Variants in CLASP2 observed in about 807,000 individuals in gnomAD.
CLASP2 encodes cytoplasmic linker associated protein 2.
CLASP2 carries 47 observed loss-of-function variants against 194.4 expected under a neutral mutation model. The observed-to-expected ratio is 0.24, with a 90% CI of 0.19 to 0.31. The LOEUF is 0.31. Ranked by LOEUF, CLASP2 falls within the 10% of genes least tolerant of loss-of-function variation. The pLI is 1.00. For synonymous variants in CLASP2, 619 were observed against 633.5 expected, an observed-to-expected ratio of 0.98 and a Z score of 0.34; for missense variants, 1,445 against 1,823.6, an observed-to-expected ratio of 0.79 and a Z score of 3.78.
intron 37 of CLASP2, 69 bp downstream of exon 37, chr3:33,510,489 G>A: frequency 7.0e-7 from 1 of 1,437,218 alleles, no homozygotes; most frequent in Non-Finnish European, 9.7e-7. Context: ...AATGATGCCT[G>A]GAAAGTACCT....
At chr3:33,668,759 C>A (rs1331914632) in intron 6 of CLASP2, among the ~76,000 whole-genome samples, 1 of 152,246 alleles carries the variant, frequency 6.6e-6, no homozygotes, top group African/African-American at 2.4e-5. Context: ...AGAAGCATCA[C>A]CAAGGAGAAT....
At chr3:33,524,971 C>T (rs530474374) in intron 34 of CLASP2, among the ~76,000 whole-genome samples, 8 of 152,244 alleles carry the variant, frequency 5.3e-5, no homozygotes, top group African/African-American at 1.9e-4. Context: ...CAACTACATC[C>T]AACAGACATA....
chr3:33,551,205 TG>T, intron 30 of CLASP2, 46 bp downstream of exon 30: 1 of 1,541,360 alleles, frequency 6.5e-7, no homozygotes, highest in South Asian at 1.2e-5. Context: ...CCATAATAAC[TG>T]ACTTGCTTTC....
chr3:33,586,920 G>T (rs188400262), intron 21 of CLASP2, among the ~76,000 whole-genome samples: 52 of 152,190 alleles, frequency 3.4e-4, no homozygotes, highest in East Asian at 2.5e-3. Flanking sequence ...GATCAAGAGG[G>T]GGGGTGCCTG....
intron 32 of CLASP2, among the ~76,000 whole-genome samples, chr3:33,539,882 T>C (rs866507643): frequency 6.6e-6 from 1 of 151,756 alleles, no homozygotes; most frequent in African/African-American, 2.4e-5. Flanking sequence ...TAACACAAAT[T>C]TGTAAGAAGA....
intron 7 of CLASP2, chr3:33,645,608 C>G (rs1319744376): frequency 6.3e-6 from 2 of 317,298 alleles, no homozygotes; most frequent in Non-Finnish European, 1.1e-5. Context: ...TATTCTATAT[C>G]AAAATTTCAA....
intron 34 of CLASP2, among the ~76,000 whole-genome samples, chr3:33,523,137 A>C (rs2053608621): frequency 6.6e-6 from 1 of 152,202 alleles, no homozygotes; most frequent in Non-Finnish European, 1.5e-5. Context: ...AGCATATTTG[A>C]GCAGGCAAAA....
intron 30 of CLASP2, among the ~76,000 whole-genome samples, chr3:33,545,924 G>C (rs945770637): frequency 6.7e-6 from 1 of 149,446 alleles, no homozygotes; most frequent in African/African-American, 2.5e-5. Context: ...AAAAAAAAAA[G>C]AGTGTTATGA....
chr3:33,521,615 T>C (rs2053117924), intron 34 of CLASP2, among the ~76,000 whole-genome samples: 1 of 152,224 alleles, frequency 6.6e-6, no homozygotes, highest in Non-Finnish European at 1.5e-5. Flanking sequence ...AGAAGAACAC[T>C]GATGGAGACA....
intron 7 of CLASP2, 68 bp downstream of exon 7, chr3:33,663,377 A>T: frequency 8.5e-7 from 1 of 1,173,894 alleles, no homozygotes; most frequent in East Asian, 2.4e-5. Context: ...AGTGATATAT[A>T]ATACATTTTA....
chr3:33,564,512 A>G (rs1229500177), intron 27 of CLASP2, among the ~76,000 whole-genome samples: 2 of 152,218 alleles, frequency 1.3e-5, no homozygotes, highest in Admixed American at 6.5e-5. Context: ...TGTTTTGATT[A>G]TATAAAATGT....
chr3:33,518,123 T>C (rs1158724924), intron 34 of CLASP2, among the ~76,000 whole-genome samples: 3 of 152,228 alleles, frequency 2.0e-5, no homozygotes, highest in Non-Finnish European at 2.9e-5. Context: ...TACAGTTTTA[T>C]AGAAAAAGCA....
chr3:33,526,239 G>A (rs1341373302), intron 34 of CLASP2, among the ~76,000 whole-genome samples: 1 of 152,050 alleles, frequency 6.6e-6, no homozygotes, highest in African/African-American at 2.4e-5. Flanking sequence ...CTCCCAAAGT[G>A]CTCAGATGTC....
intron 26 of CLASP2, among the ~76,000 whole-genome samples, chr3:33,568,035 T>G (rs2063057622): frequency 6.6e-6 from 1 of 152,134 alleles, no homozygotes; most frequent in South Asian, 2.1e-4. Flanking sequence ...TATGGGTATA[T>G]GAAGGAAAAA....
chr3:33,626,432 T>C (rs1004109167), intron 10 of CLASP2, among the ~76,000 whole-genome samples: 3 of 152,148 alleles, frequency 2.0e-5, no homozygotes, highest in Non-Finnish European at 2.9e-5. Flanking sequence ...TTATTTTAAA[T>C]TTTATCAAAT....
chr3:33,570,666 G>T, intron 26 of CLASP2, 61 bp downstream of exon 26: 1 of 1,557,926 alleles, frequency 6.4e-7, no homozygotes, highest in Non-Finnish European at 8.7e-7. Flanking sequence ...CAGTTTTTCT[G>T]CTTTGACAAT....
intron 23 of CLASP2, among the ~76,000 whole-genome samples, chr3:33,581,497 T>G (rs928875092): frequency 6.6e-6 from 1 of 152,222 alleles, no homozygotes; most frequent in Non-Finnish European, 1.5e-5. Flanking sequence ...TCACTTGAGA[T>G]TAAATATTTA....
At chr3:33,598,426 T>C (rs1470953183) in intron 18 of CLASP2, among the ~76,000 whole-genome samples, 1 of 152,132 alleles carries the variant, frequency 6.6e-6, no homozygotes, top group Non-Finnish European at 1.5e-5. Flanking sequence ...CCTCCCCTTC[T>C]ACATCTGTGA....
At position 33,709,558 on chromosome 3, in the gene CLASP2, C is replaced by T. The variant is rs748815993; in HGVS notation, c.195+8250G>A. On this transcript the variant is annotated intron_variant, in intron 1 of 38. Coordinates refer to ENST00000682230, the MANE Select transcript of CLASP2 (RefSeq NM_001365631.1). ...GAACAGGTCAGATGAAGAGATGTGA[C>T]GACGTTATACTGCTGGCTTTGAAGA... is the stretch of plus-strand genomic sequence containing the variant. Among the ~76,000 whole-genome samples, 9 of 152,004 alleles carry T rather than the reference C, an allele frequency of 5.9e-5. No individual in the cohort carries two copies. The South Asian group carries it at 6.2e-4, about 11-fold the overall frequency.
Sources: gnomAD v4.1 joint callset for allele counts (sites outside exome capture counted in the v4.1 genomes callset) on GRCh38, gnomAD v4.1.1 for gene constraint, MANE v1.5 for transcripts, NCBI Gene and HGNC (gene_info 2026-07-23, HGNC 2026-07-21) for gene names.